Variants in CNTNAP2 observed in about 807,000 individuals in gnomAD.
CNTNAP2 encodes contactin associated protein 2.
In CNTNAP2, 98 loss-of-function variants were observed where a neutral mutation model predicts 155.2. The observed-to-expected ratio is 0.63, with a 90% CI of 0.54 to 0.75. The LOEUF is 0.75. CNTNAP2 is among the 30% of genes least tolerant of loss of function. CNTNAP2 has a pLI of 0.00. For synonymous variants in CNTNAP2, 651 were observed against 631.2 expected (o/e 1.03, Z -0.47); for missense variants, 1,727 against 1,688.1 (o/e 1.02, Z -0.40).
At chr7:147,884,440 A>G (rs887184251) in intron 13 of CNTNAP2, among the ~76,000 whole-genome samples, 1 of 152,004 alleles carries the variant, frequency 6.6e-6, no homozygotes, top group Non-Finnish European at 1.5e-5. Context: ...ATATCTGAAT[A>G]TTGAGTAATT....
intron 1 of CNTNAP2, among the ~76,000 whole-genome samples, chr7:146,386,736 T>C (rs1219745148): frequency 6.6e-6 from 1 of 152,246 alleles, no homozygotes; most frequent in Non-Finnish European, 1.5e-5. Flanking sequence ...AATAATTGCC[T>C]CATTTTCATA....
At chr7:148,092,478 C>A (rs1803864134) in intron 15 of CNTNAP2, among the ~76,000 whole-genome samples, 1 of 152,210 alleles carries the variant, frequency 6.6e-6, no homozygotes, top group South Asian at 2.1e-4. Context: ...CCCATTGGGA[C>A]CATGGATCAA....
intron 1 of CNTNAP2, among the ~76,000 whole-genome samples, chr7:146,350,680 T>C (rs968600485): frequency 6.6e-6 from 1 of 152,132 alleles, no homozygotes; most frequent in African/African-American, 2.4e-5. Flanking sequence ...CATTACTGGT[T>C]ATATACCCAA....
At chr7:146,554,606 T>A (rs962349746) in intron 1 of CNTNAP2, among the ~76,000 whole-genome samples, 3 of 152,230 alleles carry the variant, frequency 2.0e-5, no homozygotes, top group African/African-American at 7.2e-5. Flanking sequence ...GATGGTATAA[T>A]GTTTAAAAGA....
At position 148,420,054 on chromosome 7, in the gene CNTNAP2, T is replaced by C. The variant is rs1800079844; in HGVS notation, c.*4438T>C. On this transcript the variant is annotated 3_prime_UTR_variant, in exon 24 of 24. Transcript: ENST00000361727. Reference sequence around the variant, plus strand: ...CATCAAAAGACAAATGTGGCCACGTTCAGGAATTGGAGACTTACTGGCATG... The same window carrying C: ...CATCAAAAGACAAATGTGGCCACGTCCAGGAATTGGAGACTTACTGGCATG... 1 of 152,224 alleles carries C rather than the reference T, an allele frequency of 6.6e-6. No individual in the cohort carries two copies. Among genetic ancestry groups the C allele is most frequent in the South Asian group, 2.1e-4 (1 of 4,830 alleles). The allele number at this position is 152,224 out of a possible 1,614,324, so 9.4% of individuals were successfully genotyped here.
chr7:146,563,946 G>T (rs1798318947), intron 1 of CNTNAP2, among the ~76,000 whole-genome samples: 1 of 152,028 alleles, frequency 6.6e-6, no homozygotes, highest in African/African-American at 2.4e-5. Flanking sequence ...CAACATCTTG[G>T]GCCCAGAGAT....
chr7:147,650,486 C>T (rs966586098), intron 13 of CNTNAP2, among the ~76,000 whole-genome samples: 8 of 152,168 alleles, frequency 5.3e-5, no homozygotes, highest in Non-Finnish European at 1.2e-4. Flanking sequence ...CCTCAGCCTA[C>T]TCAACATGAA....
intron 13 of CNTNAP2, among the ~76,000 whole-genome samples, chr7:147,659,786 G>A (rs1426481315): frequency 2.0e-5 from 3 of 152,124 alleles, no homozygotes; most frequent in African/African-American, 7.2e-5. Context: ...TGCCTAATGA[G>A]GTGATGTAAC....
intron 12 of CNTNAP2, among the ~76,000 whole-genome samples, chr7:147,566,159 G>A (rs1402145902): frequency 6.6e-6 from 1 of 150,580 alleles, no homozygotes; most frequent in African/African-American, 2.4e-5. Context: ...AGCTGGGCAT[G>A]GTGGTGCAAA....
intron 4 of CNTNAP2, among the ~76,000 whole-genome samples, chr7:147,067,834 C>T (rs1414879045): frequency 6.6e-6 from 1 of 152,184 alleles, no homozygotes; most frequent in African/African-American, 2.4e-5. Flanking sequence ...GATTCGCATT[C>T]GGTTGTTCTC....
chr7:148,012,580 A>C (rs1802100000), intron 15 of CNTNAP2, among the ~76,000 whole-genome samples: 1 of 152,166 alleles, frequency 6.6e-6, no homozygotes, highest in Non-Finnish European at 1.5e-5. Flanking sequence ...ACAATAAAAA[A>C]ATTGTTTTTT....
At chr7:147,951,802 G>T (rs374734219) in intron 14 of CNTNAP2, among the ~76,000 whole-genome samples, 13 of 152,086 alleles carry the variant, frequency 8.5e-5, no homozygotes, top group East Asian at 1.9e-4. Flanking sequence ...AGAGCATTAG[G>T]ACAAATACCT....
At chr7:146,639,104 C>G (rs1490946464) in intron 1 of CNTNAP2, among the ~76,000 whole-genome samples, 2 of 152,184 alleles carry the variant, frequency 1.3e-5, no homozygotes, top group Non-Finnish European at 2.9e-5. Context: ...ACTGAAACAT[C>G]ATTAGGCAGC....
chr7:147,271,907 T>C (rs1341034355), intron 8 of CNTNAP2, among the ~76,000 whole-genome samples: 1 of 152,184 alleles, frequency 6.6e-6, no homozygotes, highest in Non-Finnish European at 1.5e-5. Flanking sequence ...TATTACTACT[T>C]TTGAGATGGA....
chr7:146,137,009 AAACG>A (rs1355372800), intron 1 of CNTNAP2, among the ~76,000 whole-genome samples: 1 of 152,166 alleles, frequency 6.6e-6, no homozygotes, highest in Non-Finnish European at 1.5e-5. Flanking sequence ...ACTACAAGAA[AAACG>A]AACTGTTAAA....
intron 1 of CNTNAP2, among the ~76,000 whole-genome samples, chr7:146,761,819 A>T (rs1348727427): frequency 1.5e-5 from 2 of 133,314 alleles, no homozygotes; most frequent in African/African-American, 6.7e-5. Context: ...CTAGAAGGGG[A>T]TACAACTTCT....
chr7:147,407,532 T>A (rs1357536635), intron 10 of CNTNAP2, among the ~76,000 whole-genome samples: 1 of 147,814 alleles, frequency 6.8e-6, no homozygotes, highest in Admixed American at 6.8e-5. Flanking sequence ...AAGGCAAGTT[T>A]CTCTCACATA....
At chr7:147,471,078 T>C (rs1011868566) in intron 10 of CNTNAP2, among the ~76,000 whole-genome samples, 1 of 152,128 alleles carries the variant, frequency 6.6e-6, no homozygotes, top group African/African-American at 2.4e-5. Context: ...GATTTAACAA[T>C]GTGGAAATCT....
intron 11 of CNTNAP2, among the ~76,000 whole-genome samples, chr7:147,529,633 C>A (rs1171995063): frequency 6.6e-6 from 1 of 151,940 alleles, no homozygotes; most frequent in Non-Finnish European, 1.5e-5. Context: ...AAGCAGAGGC[C>A]AGGGAATCAA....
Sources: gnomAD v4.1 joint callset for allele counts (sites outside exome capture counted in the v4.1 genomes callset) on GRCh38, gnomAD v4.1.1 for gene constraint, MANE v1.5 for transcripts, NCBI Gene and HGNC (gene_info 2026-07-23, HGNC 2026-07-21) for gene names.